The following C12orf42 variants were observed in gnomAD, a reference collection of about 807,000 sequenced individuals.
C12orf42 encodes chromosome 12 open reading frame 42.
Under a neutral mutation model 21.6 loss-of-function variants are expected in C12orf42, and 25 were observed. That is an observed-to-expected ratio of 1.16 (90% CI 0.84 to 1.62). The LOEUF is 1.62. Ranked by LOEUF, C12orf42 falls within the 40% of genes most tolerant of loss-of-function variation. The pLI is 0.00. For missense variants in C12orf42, 483 were observed against 459.3 expected (o/e 1.05, Z -0.47); for synonymous variants, 174 against 175.0 (o/e 0.99, Z 0.05).
At chr12:103,088,794 G>A in the C12orf42 span, among the ~76,000 whole-genome samples, 142 of 152,270 alleles carry the variant, frequency 9.3e-4, 1 homozygote, top group African/African-American at 3.3e-3. Context: ...GGAGAGATCC[G>A]TGCAGTGAGA....
the C12orf42 span, among the ~76,000 whole-genome samples, chr12:103,175,604 G>GA: frequency 4.0e-5 from 6 of 151,572 alleles, no homozygotes; most frequent in South Asian, 6.2e-4. Flanking sequence ...AATCCAAAGG[G>GA]AAAAAAAATG....
At chr12:103,484,868 T>TG (rs1422253237) in intron 1 of C12orf42, among the ~76,000 whole-genome samples, 1 of 139,762 alleles carries the variant, frequency 7.2e-6, no homozygotes, top group Non-Finnish European at 1.6e-5. Flanking sequence ...TTTCAGTTTT[T>TG]TTTTTTTTTT....
At chr12:103,223,927 G>A in the C12orf42 span, among the ~76,000 whole-genome samples, 13 of 152,186 alleles carry the variant, frequency 8.5e-5, no homozygotes, top group Admixed American at 7.2e-4. Flanking sequence ...TCTTGAAGAC[G>A]GAGGACCGTA....
chr12:103,248,135 A>G (rs1356689805), intron 10 of C12orf42, among the ~76,000 whole-genome samples: 1 of 152,030 alleles, frequency 6.6e-6, no homozygotes, highest in Non-Finnish European at 1.5e-5. Context: ...TCTGTGCTTA[A>G]GACCTAAAAT....
chr12:103,395,894 CATA>C (rs1345062493), intron 3 of C12orf42, among the ~76,000 whole-genome samples: 9 of 148,672 alleles, frequency 6.1e-5, no homozygotes, highest in African/African-American at 2.2e-4. Flanking sequence ...ATATGCTATT[CATA>C]ATAATATATA....
At chr12:103,440,457 CAAAAAAAAAA>C in intron 2 of C12orf42, among the ~76,000 whole-genome samples, 41 of 69,696 alleles carry the variant, frequency 5.9e-4, no homozygotes, top group African/African-American at 2.3e-3. Flanking sequence ...TCACAGATAC[CAAAAAAAAAA>C]AAAAAAAAAA....
chr12:103,185,181 T>A, the C12orf42 span, among the ~76,000 whole-genome samples: 1 of 152,092 alleles, frequency 6.6e-6, no homozygotes, highest in Non-Finnish European at 1.5e-5. Context: ...TTGTAGACAT[T>A]TAGGATTTAC....
At chr12:103,484,863 G>GTTTTTTT (rs56025837) in intron 1 of C12orf42, among the ~76,000 whole-genome samples, 12 of 71,686 alleles carry the variant, frequency 1.7e-4, no homozygotes, top group African/African-American at 2.5e-4. Context: ...TCTGGTTTCA[G>GTTTTTTT]TTTTTTTTTT....
intron 4 of C12orf42, among the ~76,000 whole-genome samples, chr12:103,351,926 T>TCC (rs2044311189): frequency 6.6e-6 from 1 of 151,704 alleles, no homozygotes; most frequent in African/African-American, 2.4e-5. Context: ...TCCCTCTCTA[T>TCC]CCCCCTTCCC....
chr12:103,457,398 A>T (rs909758660), intron 2 of C12orf42, among the ~76,000 whole-genome samples: 2 of 152,132 alleles, frequency 1.3e-5, no homozygotes, highest in Non-Finnish European at 2.9e-5. Flanking sequence ...ATACCCCAAA[A>T]ATTGCTAGTC....
chr12:103,331,494 G>T lies in C12orf42; in HGVS notation c.260-25149C>A, dbSNP rs530489647. Among the ~76,000 whole-genome samples, 7 of 152,258 alleles carry T rather than the reference G, an allele frequency of 4.6e-5. No individual in the cohort carries two copies. The South Asian group carries it at 6.2e-4, about 14-fold the overall frequency. On this transcript the variant is annotated intron_variant, in intron 4 of 5. Coordinates refer to ENST00000548883, the MANE Select transcript of C12orf42 (RefSeq NM_198521.5). ...TGTTTTGTGGCAGAGACTGTGCAAGGTTCTGCTCTTGTTGACTTTACAGTC... is the reference window on the plus strand; with the variant it reads ...TGTTTTGTGGCAGAGACTGTGCAAGTTTCTGCTCTTGTTGACTTTACAGTC...
At chr12:103,433,458 A>G (rs1452436282) in intron 2 of C12orf42, among the ~76,000 whole-genome samples, 1 of 152,206 alleles carries the variant, frequency 6.6e-6, no homozygotes, top group Non-Finnish European at 1.5e-5. Flanking sequence ...GTGCCTCATA[A>G]TATGATGCAA....
In C12orf42 at chr12:103,302,188, G is replaced by A. The variant is rs201302533; in HGVS notation, c.1003C>T (p.Pro335Ser). The A allele has an allele frequency of 1.3e-4, 203 of 1,612,642 alleles. No homozygotes were observed. The African/African-American group carries it at 2.4e-3, about 19-fold the overall frequency. Residue 335 changes from proline (P) to serine (S), a missense_variant, in exon 6 of 6, where the codon CCC becomes TCC. Coordinates refer to ENST00000548883, the MANE Select transcript of C12orf42 (RefSeq NM_198521.5). ...KRLIKVCSSA[P>S]PRPTRRFHTV... Reference sequence around the variant, plus strand: ...TGGAAACGCCGGGTTGGGCGGGGGGGTGCTGAGGAGCAAACCTTTATTAAC... The same window carrying A: ...TGGAAACGCCGGGTTGGGCGGGGGGATGCTGAGGAGCAAACCTTTATTAAC...
chr12:103,153,524 C>A, the C12orf42 span, among the ~76,000 whole-genome samples: 5 of 151,956 alleles, frequency 3.3e-5, no homozygotes. Flanking sequence ...AAAATGTGAA[C>A]AAATACTTTA....
the C12orf42 span, among the ~76,000 whole-genome samples, chr12:103,119,681 G>A: frequency 6.6e-6 from 1 of 152,124 alleles, no homozygotes; most frequent in Non-Finnish European, 1.5e-5. Flanking sequence ...TAGATTCTGA[G>A]CACCTAGCCC....
chr12:103,528,559 G>A, the C12orf42 span, among the ~76,000 whole-genome samples: 1 of 152,136 alleles, frequency 6.6e-6, no homozygotes, highest in Non-Finnish European at 1.5e-5. Context: ...AGAGCTGGCT[G>A]TTAAAAAGAG....
the C12orf42 span, among the ~76,000 whole-genome samples, chr12:103,546,607 T>C: frequency 6.6e-6 from 1 of 152,158 alleles, no homozygotes; most frequent in African/African-American, 2.4e-5. Context: ...GGTGTTTTGA[T>C]GGAAGTCATT....
chr12:103,500,760 T>C (rs187696930), upstream of C12orf42, among the ~76,000 whole-genome samples: 53 of 152,308 alleles, frequency 3.5e-4, no homozygotes, highest in African/African-American at 1.2e-3. Flanking sequence ...AGAGCATGGA[T>C]TTCTAAGGAT....
the C12orf42 span, among the ~76,000 whole-genome samples, chr12:103,146,575 A>AGAAT: frequency 2.0e-3 from 302 of 148,550 alleles, no homozygotes; most frequent in Admixed American, 2.5e-3. Context: ...AAAGAAAGAA[A>AGAAT]GAAAGAAAGA....
Sources: gnomAD v4.1 joint callset for allele counts (sites outside exome capture counted in the v4.1 genomes callset) on GRCh38, gnomAD v4.1.1 for gene constraint, MANE v1.5 for transcripts, NCBI Gene and HGNC (gene_info 2026-07-23, HGNC 2026-07-21) for gene names.